The following EIF4A3 variants were observed in gnomAD, a reference collection of about 807,000 sequenced individuals.
The protein encoded by EIF4A3 is eukaryotic initiation factor 4A-III.
In EIF4A3, 1 loss-of-function variant was observed where a neutral mutation model predicts 55.6. That is an observed-to-expected ratio of 0.02 (90% confidence interval 0.01 to 0.09). EIF4A3 has a LOEUF of 0.09. EIF4A3 is among the 10% of genes least tolerant of loss of function. The pLI is 1.00. For missense variants in EIF4A3, 221 were observed against 540.7 expected, an observed-to-expected ratio of 0.41 and a Z score of 5.86; for synonymous variants, 194 against 196.3, an observed-to-expected ratio of 0.99 and a Z score of 0.10.
chr17:80,137,049 A>T (rs890589985), intron 9 of EIF4A3: 15 of 197,918 alleles, frequency 7.6e-5, no homozygotes, highest in Middle Eastern at 1.8e-3. Context: ...AAATGAATGA[A>T]ACCACCCAAT....
At chr17:80,144,054 G>T in intron 2 of EIF4A3, 118 bp downstream of exon 2, 1 of 943,676 alleles carries the variant, frequency 1.1e-6, no homozygotes, top group Non-Finnish European at 1.7e-6. Context: ...CTAAAGTCAG[G>T]GAAAGTGTTG....
At chr17:80,142,826 G>T (rs1467260584) in intron 2 of EIF4A3, among the ~76,000 whole-genome samples, 2 of 152,128 alleles carry the variant, frequency 1.3e-5, no homozygotes, top group Non-Finnish European at 2.9e-5. Context: ...CAGACAGATT[G>T]CCAGGAGTTT....
chr17:80,146,625 C>A (rs1005362988), intron 1 of EIF4A3, among the ~76,000 whole-genome samples, 168 bp downstream of exon 1: 52 of 152,084 alleles, frequency 3.4e-4, no homozygotes, highest in African/African-American at 1.1e-3. Context: ...GGCGTGAGGG[C>A]GAGGACGGGG....
At chr17:80,140,890 G>A (rs2039612248) in intron 4 of EIF4A3, among the ~76,000 whole-genome samples, 1 of 151,358 alleles carries the variant, frequency 6.6e-6, no homozygotes, top group Middle Eastern at 3.2e-3. Flanking sequence ...TCTGCCTCCC[G>A]GGTTCAAGTG....
At chr17:80,138,987 G>C (rs1337708832) in intron 7 of EIF4A3, 34 bp downstream of exon 7, 1 of 1,609,644 alleles carries the variant, frequency 6.2e-7, no homozygotes, top group Non-Finnish European at 8.5e-7. Context: ...ATGCGGCCCA[G>C]TGTTTTAGTA....
chr17:80,135,708 C>A, intron 11 of EIF4A3: 1 of 615,686 alleles, frequency 1.6e-6, no homozygotes, highest in Non-Finnish European at 2.9e-6. Context: ...CCAGCCTGGC[C>A]AACATGGTGA....
At position 80,147,066 on chromosome 17, in the gene EIF4A3, T is replaced by C. The variant is rs867937036; in HGVS notation, c.-105A>G. On this transcript the variant is annotated 5_prime_UTR_variant, in exon 1 of 12. Coordinates refer to ENST00000649764, the MANE Select transcript of EIF4A3 (RefSeq NM_014740.4). The stretch of plus-strand genomic sequence containing the variant: ...ACCTCGCTGCCGCTGCCGACCTCGC[T>C]GTGCCGCTGCCGACCTCGCTGTGCC... The C allele has an allele frequency of 8.4e-5, 109 of 1,292,828 alleles. 1 individual carries two copies. In the African/African-American group the frequency reaches 1.9e-3, roughly 23 times the overall value. The allele number at this position is 1,292,828 out of a possible 1,614,324, so 80.1% of individuals were successfully genotyped here. A position where few individuals can be genotyped will look rare whatever the true frequency, so the allele number is the denominator to read the frequency against.
At chr17:80,136,708 G>A (rs72850881) in intron 9 of EIF4A3, 39,297 of 192,858 alleles carry the variant, frequency 0.2, 4,346 homozygotes, top group African/African-American at 0.29. Flanking sequence ...GCTTATGCCT[G>A]TAATCCCAGC....
At chr17:80,142,963 T>C (rs959716332) in intron 2 of EIF4A3, among the ~76,000 whole-genome samples, 1 of 152,168 alleles carries the variant, frequency 6.6e-6, no homozygotes, top group African/African-American at 2.4e-5. Context: ...CGCTTGAGGC[T>C]GCTATGAGCT....
chr17:80,146,642 G>A (rs953028193), intron 1 of EIF4A3, 151 bp downstream of exon 1: 4 of 898,896 alleles, frequency 4.4e-6, no homozygotes, highest in African/African-American at 3.6e-5. Context: ...GGGGGTGGGG[G>A]TGGGGGTCGG....
At chr17:80,141,282 C>T in intron 4 of EIF4A3, 37 bp downstream of exon 4, 1 of 1,584,570 alleles carries the variant, frequency 6.3e-7, no homozygotes, top group Non-Finnish European at 8.6e-7. Flanking sequence ...AAAAGCAGTA[C>T]TTGTTAATCG....
Position 80,136,028 on chromosome 17 carries a change from G to C in EIF4A3, c.1195C>G (p.Gln399Glu). ...CCGTTCATCGGCATCTCATCAATCT[G>C]AGTGGAATAGTACTGCTCGATATCT... is the stretch of plus-strand genomic sequence containing the variant. ...LRDIEQYYST[Q>E]IDEMPMNVAD... The change falls in exon 11 of 12, where the codon CAG (glutamine) becomes GAG (glutamate). Residue 399 changes from glutamine (Q) to glutamate (E), a missense_variant. This residue lies in a region of EIF4A3 where 93 missense variants were observed against 278.5 expected (regional missense o/e 0.33). Coordinates refer to ENST00000649764, the MANE Select transcript of EIF4A3 (RefSeq NM_014740.4). The C allele has an allele frequency of 6.2e-7, 1 of 1,614,100 alleles. No individual in the cohort carries two copies.
chr17:80,139,499 T>C, intron 6 of EIF4A3, 171 bp downstream of exon 6: 1 of 678,774 alleles, frequency 1.5e-6, no homozygotes, highest in Non-Finnish European at 2.4e-6. Flanking sequence ...AACAAATAAA[T>C]AAAATCAAGG....
Position 80,135,474 on chromosome 17 carries a change from C to T in EIF4A3, c.*16G>A, listed in dbSNP as rs772600459. The T allele has an allele frequency of 3.2e-6, 5 of 1,556,254 alleles. No individual in the cohort carries two copies. In the African/African-American group the frequency reaches 6.8e-5, roughly 21 times the overall value. Reference sequence around the variant, plus strand: ...CAGCAGGTGAACAGTCTCCCTCATCCCACTGATCTGCTGCTTCAGATAAGA... The same window carrying T: ...CAGCAGGTGAACAGTCTCCCTCATCTCACTGATCTGCTGCTTCAGATAAGA... On this transcript the variant is annotated 3_prime_UTR_variant, in exon 12 of 12. Transcript: ENST00000649764.
In EIF4A3 at chr17:80,147,055, G is replaced by A. The variant is rs2039674191; in HGVS notation, c.-94C>T. 3 of 1,332,930 alleles carry A rather than the reference G, an allele frequency of 2.3e-6. No individual in the cohort carries two copies. Among genetic ancestry groups the A allele is most frequent in the South Asian group, 1.5e-5 (1 of 66,014 alleles). 82.6% of individuals were successfully genotyped at this position (1,332,930 alleles called of 1,614,324 possible). ...TGCCGCTGCCGACCTCGCTGCCGCT[G>A]CCGACCTCGCTGTGCCGCTGCCGAC... On this transcript the variant is annotated 5_prime_UTR_variant, in exon 1 of 12. Transcript: ENST00000649764.
rs572182786 is a variant in EIF4A3, at chr17:80,135,008, C to T, written c.*482G>A. 3.3e-5 allele frequency among the ~76,000 whole-genome samples: 5 copies of T among 151,812 alleles called. No individual in the cohort carries two copies. Among genetic ancestry groups the T allele is most frequent in the Non-Finnish European group, 7.4e-5 (5 of 67,950 alleles). On this transcript the variant is annotated 3_prime_UTR_variant, in exon 12 of 12. Coordinates refer to ENST00000649764, the MANE Select transcript of EIF4A3 (RefSeq NM_014740.4). The stretch of plus-strand genomic sequence containing the variant: ...CTACTGAAAATACAAAAAAATTAGC[C>T]TGGCATGGTGGCGGCCGCCTGTACT...
rs1466001901 is a variant in EIF4A3, at chr17:80,147,052, G to GCTGCCGACCTCGCTGTGCCC, written c.-92_-91insGGGCACAGCGAGGTCGGCAG. ...CTGTGCCGCTGCCGACCTCGCTGCC[G>GCTGCCGACCTCGCTGTGCCC]CTGCCGACCTCGCTGTGCCGCTGCC... On this transcript the variant is annotated 5_prime_UTR_variant, in exon 1 of 12. Coordinates refer to ENST00000649764, the MANE Select transcript of EIF4A3 (RefSeq NM_014740.4). 19 of 1,263,140 alleles carry GCTGCCGACCTCGCTGTGCCC rather than the reference G, an allele frequency of 1.5e-5. No homozygotes were observed. The East Asian group carries it at 5.7e-4, about 38-fold the overall frequency. 78.2% of individuals were successfully genotyped at this position (1,263,140 alleles called of 1,614,324 possible).
In EIF4A3 at chr17:80,136,137, G is replaced by A. The variant is rs1000823935; in HGVS notation, c.1092-6C>T. 9.3e-6 allele frequency: 15 copies of A among 1,613,486 alleles called. No homozygotes were observed. Among genetic ancestry groups the A allele is most frequent in the Non-Finnish European group, 1.3e-5 (15 of 1,179,920 alleles). On this transcript the variant is annotated splice_region_variant and splice_polypyrimidine_tract_variant and intron_variant, in intron 10 of 11. Coordinates refer to ENST00000649764, the MANE Select transcript of EIF4A3 (RefSeq NM_014740.4). ...ATCGACCTGATCTCCCAATTCTTCA[G>A]GAATAAAATAATATTACAGTTAGTA...
At chr17:80,145,829 TCCTTC>T in intron 1 of EIF4A3, among the ~76,000 whole-genome samples, 1 of 152,198 alleles carries the variant, frequency 6.6e-6, no homozygotes, top group East Asian at 1.9e-4. Context: ...CCAACTCTCC[TCCTTC>T]TGTCACTCAC....
Sources: gnomAD v4.1 joint callset for allele counts (sites outside exome capture counted in the v4.1 genomes callset) on GRCh38, gnomAD v4.1.1 for gene constraint, gnomAD v4.1.1 regional missense constraint, MANE v1.5 for transcripts, NCBI Gene and HGNC (gene_info 2026-07-23, HGNC 2026-07-21) for gene names.